Variants in CPHXL2 observed in about 807,000 individuals in gnomAD.
The protein encoded by CPHXL2 is cytoplasmic polyadenylated homeobox like 2, also known as cytoplasmic polyadenylated homeobox-like protein 2.
the CPHXL2 span, among the ~76,000 whole-genome samples, chr16:75,663,885 C>CAAAAAA: frequency 0.034 from 2,856 of 85,214 alleles, 263 homozygotes; most frequent in African/African-American, 0.13. Context: ...GACTCTGTCT[C>CAAAAAA]AAAAAAAAAA....
At chr16:75,670,634 G>C in the CPHXL2 span, among the ~76,000 whole-genome samples, 1 of 151,994 alleles carries the variant, frequency 6.6e-6, no homozygotes, top group Non-Finnish European at 1.5e-5. Flanking sequence ...TCAGCCTCCT[G>C]AGTAGCTGGG....
At chr16:75,669,310 T>C in the CPHXL2 span, 38 of 336,310 alleles carry the variant, frequency 1.1e-4, no homozygotes, top group East Asian at 1.6e-3. Context: ...GAGTGAGACC[T>C]TTCCTAAAAA....
the CPHXL2 span, chr16:75,660,766 A>T: frequency 2.5e-6 from 1 of 398,640 alleles, no homozygotes; most frequent in East Asian, 3.6e-5. Context: ...GGCACAGAAG[A>T]TGGGGGAGGA....
chr16:75,667,375 AT>A, the CPHXL2 span, among the ~76,000 whole-genome samples: 1 of 151,534 alleles, frequency 6.6e-6, no homozygotes, highest in Non-Finnish European at 1.5e-5. Flanking sequence ...ATATTTTTGT[AT>A]TTTTTTCATA....
chr16:75,662,797 T>G, the CPHXL2 span, among the ~76,000 whole-genome samples: 4 of 89,190 alleles, frequency 4.5e-5, no homozygotes, highest in African/African-American at 1.8e-4. Context: ...GAGATAATTC[T>G]TTTTTTTTTT....
At chr16:75,675,914 A>G in the CPHXL2 span, among the ~76,000 whole-genome samples, 1 of 152,086 alleles carries the variant, frequency 6.6e-6, no homozygotes, top group Non-Finnish European at 1.5e-5. Flanking sequence ...CCCCGTCTCT[A>G]CTAAAAATAC....
the CPHXL2 span, among the ~76,000 whole-genome samples, chr16:75,670,978 G>A: frequency 6.6e-6 from 1 of 152,170 alleles, no homozygotes; most frequent in East Asian, 1.9e-4. Context: ...TTCCTGGGAA[G>A]GTCTCCACTT....
the CPHXL2 span, chr16:75,660,541 C>T: frequency 2.5e-6 from 1 of 398,530 alleles, no homozygotes; most frequent in African/African-American, 2.1e-5. Flanking sequence ...GGCAGCTGTT[C>T]CTGCAACATC....
At chr16:75,673,743 C>A in the CPHXL2 span, among the ~76,000 whole-genome samples, 1 of 151,662 alleles carries the variant, frequency 6.6e-6, no homozygotes, top group African/African-American at 2.4e-5. Flanking sequence ...TTTGGGAGGC[C>A]AAGCGGGGGC....
At chr16:75,668,399 T>A in the CPHXL2 span, among the ~76,000 whole-genome samples, 2 of 152,038 alleles carry the variant, frequency 1.3e-5, no homozygotes, top group African/African-American at 4.8e-5. Context: ...CGGCTAATTT[T>A]TGTATTTTTA....
the CPHXL2 span, among the ~76,000 whole-genome samples, chr16:75,675,950 G>A: frequency 6.6e-6 from 1 of 152,026 alleles, no homozygotes; most frequent in East Asian, 1.9e-4. Flanking sequence ...GTGGTGGTGG[G>A]CGTCTGTAAT....
the CPHXL2 span, among the ~76,000 whole-genome samples, chr16:75,666,604 A>G: frequency 3.2e-5 from 4 of 125,654 alleles, no homozygotes; most frequent in Admixed American, 8.0e-5. Flanking sequence ...GTGAAACTCT[A>G]TCTCAAAAAA....
the CPHXL2 span, chr16:75,660,353 A>C: frequency 2.5e-6 from 1 of 398,574 alleles, no homozygotes; most frequent in Non-Finnish European, 4.4e-6. Context: ...AGTTGCTTGA[A>C]GCCCCTACCT....
the CPHXL2 span, among the ~76,000 whole-genome samples, chr16:75,675,566 C>A: frequency 6.6e-6 from 1 of 152,060 alleles, no homozygotes; most frequent in Non-Finnish European, 1.5e-5. Flanking sequence ...AAGTCTTGTC[C>A]TAGAGCATCA....
the CPHXL2 span, among the ~76,000 whole-genome samples, chr16:75,667,227 G>A: frequency 6.6e-6 from 1 of 150,872 alleles, no homozygotes; most frequent in Non-Finnish European, 1.5e-5. Flanking sequence ...CAGAAGAATT[G>A]CTTGAACCCG....
At chr16:75,666,717 T>C in the CPHXL2 span, among the ~76,000 whole-genome samples, 1 of 152,018 alleles carries the variant, frequency 6.6e-6, no homozygotes, top group Non-Finnish European at 1.5e-5. Context: ...AGCTATACTC[T>C]GGAACAAATG....
At chr16:75,676,339 T>C in the CPHXL2 span, among the ~76,000 whole-genome samples, 1 of 152,170 alleles carries the variant, frequency 6.6e-6, no homozygotes, top group African/African-American at 2.4e-5. Context: ...TTTTGTTTTT[T>C]AAGAGACAAG....
At chr16:75,676,084 A>AG in the CPHXL2 span, among the ~76,000 whole-genome samples, 1 of 152,096 alleles carries the variant, frequency 6.6e-6, no homozygotes, top group Admixed American at 6.6e-5. Context: ...CGTCTCCAAA[A>AG]AAAAAAAGAA....
the CPHXL2 span, among the ~76,000 whole-genome samples, chr16:75,676,162 A>G: frequency 2.0e-5 from 3 of 152,158 alleles, no homozygotes; most frequent in Non-Finnish European, 2.9e-5. Flanking sequence ...GTCATCAATA[A>G]CAATAAACCT....
Sources: gnomAD v4.1 joint callset for allele counts (sites outside exome capture counted in the v4.1 genomes callset) on GRCh38, gnomAD v4.1.1 for gene constraint, MANE v1.5 for transcripts, NCBI Gene and HGNC (gene_info 2026-07-23, HGNC 2026-07-21) for gene names.